HIVEP1: variants seen among roughly 807,000 people sequenced by gnomAD.
HIVEP1 encodes HIVEP zinc finger 1.
HIVEP1 carries 36 observed loss-of-function variants against 180.0 expected under a neutral mutation model. The observed-to-expected ratio is 0.20, with a 90% CI of 0.15 to 0.26. The LOEUF is 0.26. Among genes scored for constraint, HIVEP1 ranks in the 10% least tolerant of loss-of-function variants. The pLI, the probability that HIVEP1 is intolerant of heterozygous loss-of-function variation, is 1.00. For missense variants in HIVEP1, 3,143 were observed against 3,268.7 expected (o/e 0.96, Z 0.94); for synonymous variants, 1,239 against 1,239.0 (o/e 1.00, Z 0.00).
At chr6:12,146,720 C>G (rs1449988679) in intron 7 of HIVEP1, among the ~76,000 whole-genome samples, 1 of 151,854 alleles carries the variant, frequency 6.6e-6, no homozygotes, top group African/African-American at 2.4e-5. Flanking sequence ...TGATAAAGAT[C>G]TGTTCTGTTT....
the HIVEP1 span, among the ~76,000 whole-genome samples, chr6:12,187,103 T>A: frequency 6.6e-6 from 1 of 152,102 alleles, no homozygotes; most frequent in Non-Finnish European, 1.5e-5. Flanking sequence ...TTCTTAAAAA[T>A]GAAGAATTTC....
chr6:12,087,717 G>A (rs1216222864), intron 2 of HIVEP1, among the ~76,000 whole-genome samples: 4 of 152,072 alleles, frequency 2.6e-5, no homozygotes, highest in African/African-American at 9.7e-5. Context: ...ACTGAGCACA[G>A]GATCCAGTTT....
intron 8 of HIVEP1, among the ~76,000 whole-genome samples, chr6:12,162,797 T>C (rs551407750): frequency 7.4e-4 from 112 of 152,234 alleles, no homozygotes; most frequent in Non-Finnish European, 1.4e-3. Context: ...CAGAGAACTT[T>C]TTCATAGTAA....
In HIVEP1 at chr6:12,135,905, AC is replaced by A; in HGVS notation, c.6487+15del. The A allele has an allele frequency of 6.6e-7, 1 of 1,524,152 alleles. No individual in the cohort carries two copies. Among genetic ancestry groups the A allele is most frequent in the Non-Finnish European group, 9.1e-7 (1 of 1,103,216 alleles). The allele number at this position is 1,524,152 out of a possible 1,614,324, so 94.4% of individuals were successfully genotyped here. On this transcript the variant is annotated intron_variant, in intron 7 of 8. Transcript: ENST00000379388. ...ACAGAAGAATCAGGTAAGGCTTTAT[AC>A]CATATTTTTCATAAATGCTATTTAT...
chr6:12,066,188 G>A (rs1233046349), intron 2 of HIVEP1, among the ~76,000 whole-genome samples: 2 of 152,038 alleles, frequency 1.3e-5, no homozygotes, highest in East Asian at 1.9e-4. Flanking sequence ...TAGCTTGTGC[G>A]CTGTTTCCAT....
chr6:12,163,952 G>A lies in HIVEP1; in HGVS notation c.7648G>A (p.Ala2550Thr), dbSNP rs752059171. Residue 2550 changes from alanine (A) to threonine (T), a missense_variant, in exon 9 of 9, where the codon GCA (alanine) becomes ACA (threonine). Ala to Thr is a moderately conservative substitution (Grantham distance 58). This residue lies in a region of HIVEP1 where 595 missense variants were observed against 602.2 expected (regional missense o/e 0.99). Transcript: ENST00000379388. ...HIPGLQILNI[A>T]LPTLIPSVSQ... ...TCCAGGTCTCCAGATCTTGAACATA[G>A]CATTGCCCACCTTAATCCCCTCAGT... 6.2e-7 allele frequency: 1 copy of A among 1,614,062 alleles called. No individual in the cohort carries two copies. The highest frequency in any genetic ancestry group is 1.1e-5 in the South Asian group (1 of 91,084).
At chr6:12,095,240 T>C (rs1299489772) in intron 3 of HIVEP1, among the ~76,000 whole-genome samples, 1 of 151,982 alleles carries the variant, frequency 6.6e-6, no homozygotes, top group Admixed American at 6.6e-5. Context: ...TCATCCTTTT[T>C]AGTTTCATTA....
chr6:12,100,969 T>G (rs1334323639), intron 3 of HIVEP1, among the ~76,000 whole-genome samples: 2 of 152,228 alleles, frequency 1.3e-5, no homozygotes, highest in Non-Finnish European at 2.9e-5. Context: ...AGAGATAGTA[T>G]GTGTTTGGTT....
Position 12,123,235 on chromosome 6 carries a change from C to T in HIVEP1, c.3440C>T (p.Ser1147Leu), listed in dbSNP as rs1044959154. 6.2e-7 allele frequency: 1 copy of T among 1,614,168 alleles called. No individual in the cohort carries two copies. Among genetic ancestry groups the T allele is most frequent in the Non-Finnish European group, 8.5e-7 (1 of 1,180,024 alleles). The change falls in exon 4 of 9, where the codon TCA becomes TTA. Residue 1147 changes from serine to leucine, a missense_variant. Ser to Leu is a moderately radical substitution (Grantham distance 145). This residue lies in a region of HIVEP1 where 1,357 missense variants were observed against 1,260.5 expected (regional missense o/e 1.08). Coordinates refer to ENST00000379388, the MANE Select transcript of HIVEP1 (RefSeq NM_002114.4). ...ACCAACTCCCTGAGCAGGCCCAACTCATTTGACAAGCCTGAGCCTTTTGAA... is the reference window on the plus strand; with the variant it reads ...ACCAACTCCCTGAGCAGGCCCAACTTATTTGACAAGCCTGAGCCTTTTGAA... ...QHTNSLSRPNSFDKPEPFERA... is the reference protein window; with the variant it reads ...QHTNSLSRPNLFDKPEPFERA...
chr6:12,099,126 C>T (rs907338750), intron 3 of HIVEP1, among the ~76,000 whole-genome samples: 5 of 150,916 alleles, frequency 3.3e-5, no homozygotes, highest in East Asian at 1.9e-4. Context: ...GAGGAGCAGA[C>T]GCTTTGGGAG....
intron 2 of HIVEP1, chr6:12,020,342 A>C (rs1263548624): frequency 2.1e-6 from 1 of 471,024 alleles, no homozygotes; most frequent in Non-Finnish European, 4.4e-6. Flanking sequence ...GTTCAGAAGA[A>C]AGGCTTAGCA....
intron 6 of HIVEP1, among the ~76,000 whole-genome samples, chr6:12,132,929 T>C (rs559903710): frequency 1.1e-4 from 16 of 152,270 alleles, no homozygotes; most frequent in African/African-American, 3.6e-4. Flanking sequence ...CTTTTAAAGG[T>C]AGTTAAATAA....
chr6:12,012,783 C>T (rs903245327), intron 1 of HIVEP1: 3 of 152,716 alleles, frequency 2.0e-5, no homozygotes. Context: ...GCGCGCGAGC[C>T]GAGCAGGTAC....
the HIVEP1 span, among the ~76,000 whole-genome samples, chr6:12,173,265 T>C: frequency 0.032 from 4,899 of 152,266 alleles, 101 homozygotes; most frequent in Non-Finnish European, 0.045. Flanking sequence ...CATATTATAT[T>C]ATGAAGTTCC....
At chr6:12,035,713 A>G (rs1046143169) in intron 2 of HIVEP1, among the ~76,000 whole-genome samples, 12 of 152,226 alleles carry the variant, frequency 7.9e-5, no homozygotes, top group Admixed American at 2.6e-4. Context: ...TGGAGGGGAA[A>G]GTACTGAAAT....
chr6:12,068,142 G>C (rs1201524920), intron 2 of HIVEP1, among the ~76,000 whole-genome samples: 1 of 152,140 alleles, frequency 6.6e-6, no homozygotes, highest in Non-Finnish European at 1.5e-5. Context: ...CCAGGCTGGA[G>C]TACAGTGGCA....
downstream of HIVEP1, among the ~76,000 whole-genome samples, chr6:12,168,232 CAT>C (rs1444824071): frequency 1.0e-4 from 8 of 79,854 alleles, no homozygotes; most frequent in South Asian, 8.3e-4. Context: ...ATATTATATA[CAT>C]ATATATTATA....
Position 12,125,160 on chromosome 6 carries a change from G to A in HIVEP1, c.5365G>A (p.Glu1789Lys). 1 of 1,613,964 alleles carries A rather than the reference G, an allele frequency of 6.2e-7. No individual in the cohort carries two copies. Among genetic ancestry groups the A allele is most frequent in the Non-Finnish European group, 8.5e-7 (1 of 1,179,958 alleles). ...PLEALSSRVN[E>K]ASKQKKPILV... ...AGAGGCTTTGAGTTCGAGAGTTAATGAAGCTAGTAAACAGAAGAAGCCTAT... is the reference window on the plus strand; with the variant it reads ...AGAGGCTTTGAGTTCGAGAGTTAATAAAGCTAGTAAACAGAAGAAGCCTAT... Residue 1789 changes from glutamate to lysine, a missense_variant, in exon 4 of 9, where the codon GAA becomes AAA. Transcript: ENST00000379388.
At chr6:12,086,513 T>TA (rs1360077208) in intron 2 of HIVEP1, among the ~76,000 whole-genome samples, 1 of 152,122 alleles carries the variant, frequency 6.6e-6, no homozygotes, top group East Asian at 1.9e-4. Context: ...GGGGATGTCT[T>TA]AGAGTCTAAC....
Sources: allele counts gnomAD v4.1 joint callset (sites outside exome capture counted in the v4.1 genomes callset), GRCh38; gene constraint gnomAD v4.1.1; regional missense constraint gnomAD v4.1.1; transcripts MANE v1.5; gene names NCBI Gene and HGNC (gene_info 2026-07-23, HGNC 2026-07-21).